Variants in VMP1 observed in about 807,000 individuals in gnomAD.
The protein encoded by VMP1 is ectopic P-granules autophagy protein 3 homolog.
A neutral mutation model predicts 56.0 loss-of-function variants in VMP1; 11 were observed. The observed-to-expected ratio is 0.20, with a 90% CI of 0.12 to 0.32. The LOEUF (loss-of-function observed/expected upper bound fraction) is 0.32. VMP1 is among the 10% of genes least tolerant of loss of function. The pLI, the probability that VMP1 is intolerant of heterozygous loss-of-function variation, is 1.00. For missense variants in VMP1, 296 were observed against 490.3 expected (o/e 0.60, Z 3.74); for synonymous variants, 149 against 165.0 (o/e 0.90, Z 0.74).
At chr17:59,761,454 G>C (rs1345405088) in intron 5 of VMP1, among the ~76,000 whole-genome samples, 2 of 152,110 alleles carry the variant, frequency 1.3e-5, no homozygotes, top group African/African-American at 2.4e-5. Flanking sequence ...ACATTGATGT[G>C]GGGGGAGGGT....
At chr17:59,792,018 TC>T (rs1368261012) in intron 7 of VMP1, among the ~76,000 whole-genome samples, 1 of 152,104 alleles carries the variant, frequency 6.6e-6, no homozygotes, top group Non-Finnish European at 1.5e-5. Context: ...ATGCTTGTAA[TC>T]CCAGCATTTT....
chr17:59,810,580 T>G (rs1395077887), intron 8 of VMP1, among the ~76,000 whole-genome samples: 1 of 152,088 alleles, frequency 6.6e-6, no homozygotes, highest in Non-Finnish European at 1.5e-5. Context: ...AAATAGCAGG[T>G]GTGATGCTGT....
rs370199992 is a variant in VMP1 at position 59,773,849 on chromosome 17, A to G, written c.678A>G (p.Glu226=). Residue 226 remains glutamate (E), a synonymous_variant, in exon 7 of 12, where the codon GAA becomes GAG. Transcript: ENST00000262291. ...GAEPDDEEYQ[E]FEEMLEHAES... ...AACCAGATGATGAAGAGTATCAGGA[A>G]TTTGAAGAGATGCTGGAACATGCAG... 4.5e-5 allele frequency: 72 copies of G among 1,613,600 alleles called. No homozygotes were observed. In the Middle Eastern group the frequency reaches 6.6e-4, roughly 15 times the overall value.
intron 5 of VMP1, among the ~76,000 whole-genome samples, chr17:59,758,191 A>AT (rs2143948511): frequency 6.6e-6 from 1 of 152,130 alleles, no homozygotes; most frequent in South Asian, 2.1e-4. Context: ...ACCTTGCCAC[A>AT]TGTCACATCC....
At chr17:59,715,497 C>T (rs945758904) in intron 1 of VMP1, among the ~76,000 whole-genome samples, 19 of 152,118 alleles carry the variant, frequency 1.2e-4, no homozygotes, top group African/African-American at 4.3e-4. Flanking sequence ...GAAACGGCCC[C>T]CATGATCCAA....
intron 5 of VMP1, among the ~76,000 whole-genome samples, chr17:59,739,915 T>G (rs1310895577): frequency 1.3e-5 from 2 of 148,968 alleles, no homozygotes; most frequent in South Asian, 2.1e-4. Context: ...CTCTACTAAA[T>G]ATACAAAAAA....
At position 59,783,731 on chromosome 17, in the gene VMP1, A is replaced by G. The variant is rs190548873; in HGVS notation, c.714+9846A>G. ...TAAGGCCTGTTGATTCTATCTCCAT[A>G]GTATCTTACATGCCCTCTCTTCTCC... On this transcript the variant is annotated intron_variant, in intron 7 of 11. Transcript: ENST00000262291. Among the ~76,000 whole-genome samples, 43 of 152,176 alleles carry G rather than the reference A, an allele frequency of 2.8e-4. No individual in the cohort carries two copies. The East Asian group carries it at 7.0e-3, about 25-fold the overall frequency.
intron 10 of VMP1, among the ~76,000 whole-genome samples, chr17:59,836,744 C>A: frequency 6.8e-6 from 1 of 146,628 alleles, no homozygotes; most frequent in Non-Finnish European, 1.5e-5. Flanking sequence ...GGCTTTTTTC[C>A]CAGCAAAAGG....
chr17:59,799,165 A>T (rs1422803296), intron 7 of VMP1, among the ~76,000 whole-genome samples: 1 of 152,236 alleles, frequency 6.6e-6, no homozygotes, highest in African/African-American at 2.4e-5. Context: ...TGATTTTGAT[A>T]GATATGAGAA....
intron 7 of VMP1, among the ~76,000 whole-genome samples, chr17:59,774,926 GT>G (rs1358181996): frequency 6.8e-6 from 1 of 147,912 alleles, no homozygotes; most frequent in African/African-American, 2.5e-5. Context: ...GTGAGACCTT[GT>G]CTCTACAAAA....
intron 5 of VMP1, among the ~76,000 whole-genome samples, chr17:59,763,150 C>G (rs898303816): frequency 6.6e-6 from 1 of 151,550 alleles, no homozygotes; most frequent in African/African-American, 2.4e-5. Flanking sequence ...CAGCTGATTT[C>G]TTCTTTTTTT....
chr17:59,781,616 G>C (rs1471820137), intron 7 of VMP1, among the ~76,000 whole-genome samples: 1 of 151,932 alleles, frequency 6.6e-6, no homozygotes, highest in African/African-American at 2.4e-5. Flanking sequence ...GTTGTTTTGT[G>C]ACTTGATTTG....
chr17:59,751,463 C>T (rs775120054), intron 5 of VMP1, among the ~76,000 whole-genome samples: 3 of 151,800 alleles, frequency 2.0e-5, no homozygotes, highest in Non-Finnish European at 2.9e-5. Flanking sequence ...TGGTCTAGAC[C>T]GGGCTCGGTG....
At chr17:59,785,426 C>G (rs1322750198) in intron 7 of VMP1, among the ~76,000 whole-genome samples, 1 of 152,134 alleles carries the variant, frequency 6.6e-6, no homozygotes, top group Non-Finnish European at 1.5e-5. Flanking sequence ...GTAATCCCAG[C>G]ACTTTGGGAG....
chr17:59,726,617 T>G (rs2034617011), intron 1 of VMP1, among the ~76,000 whole-genome samples: 1 of 152,242 alleles, frequency 6.6e-6, no homozygotes, highest in African/African-American at 2.4e-5. Flanking sequence ...TTTAAGTATT[T>G]GCAGAACTTA....
chr17:59,807,876 A>G (rs1183801818), intron 7 of VMP1, among the ~76,000 whole-genome samples: 1 of 151,790 alleles, frequency 6.6e-6, no homozygotes, highest in African/African-American at 2.4e-5. Flanking sequence ...AGAGAGTGGA[A>G]GAGGTTCTAT....
chr17:59,774,421 A>G (rs975431720), intron 7 of VMP1, among the ~76,000 whole-genome samples: 2 of 151,474 alleles, frequency 1.3e-5, no homozygotes, highest in African/African-American at 2.4e-5. Context: ...CTAAAAAAAA[A>G]AAAGAAAGAA....
At chr17:59,718,297 C>T (rs1041081431) in intron 1 of VMP1, among the ~76,000 whole-genome samples, 6 of 146,482 alleles carry the variant, frequency 4.1e-5, no homozygotes, top group East Asian at 2.1e-4. Flanking sequence ...TCTGGGTTCA[C>T]GCCATTCTCC....
intron 1 of VMP1, among the ~76,000 whole-genome samples, chr17:59,719,279 A>G (rs1050850528): frequency 6.6e-6 from 1 of 151,792 alleles, no homozygotes; most frequent in Non-Finnish European, 1.5e-5. Context: ...TGACCATGCT[A>G]CTGCACTCTA....
Sources: gnomAD v4.1 joint callset for allele counts (sites outside exome capture counted in the v4.1 genomes callset) on GRCh38, gnomAD v4.1.1 for gene constraint, MANE v1.5 for transcripts, NCBI Gene and HGNC (gene_info 2026-07-23, HGNC 2026-07-21) for gene names.